The following TNFSF4 variants were observed in gnomAD, a reference collection of about 807,000 sequenced individuals.
TNFSF4 encodes TNF superfamily member 4, also known as tumor necrosis factor ligand superfamily member 4.
In TNFSF4, 4 loss-of-function variants were observed where a neutral mutation model predicts 7.3. The ratio of observed to expected loss-of-function variants is 0.55; its 90% CI spans 0.27 to 1.25. TNFSF4 has a LOEUF of 1.25. Ranked by LOEUF, TNFSF4 falls within the 50% of genes most tolerant of loss-of-function variation. The pLI is 0.12. For synonymous variants in TNFSF4, 76 were observed against 83.7 expected (o/e 0.91, Z 0.50); for missense variants, 181 against 208.8 (o/e 0.87, Z 0.82).
the TNFSF4 span, among the ~76,000 whole-genome samples, chr1:173,368,126 T>C: frequency 1.6e-4 from 24 of 152,118 alleles, no homozygotes; most frequent in East Asian, 4.4e-3. Context: ...AAAAAGTCAC[T>C]CTAATAGGAC....
At chr1:173,246,982 T>G in the TNFSF4 span, among the ~76,000 whole-genome samples, 1 of 152,238 alleles carries the variant, frequency 6.6e-6, no homozygotes, top group African/African-American at 2.4e-5. Context: ...TTTTTTCCTA[T>G]TTCTATAGTG....
chr1:173,364,707 G>A, the TNFSF4 span, among the ~76,000 whole-genome samples: 105,557 of 151,766 alleles, frequency 0.7, 36,902 homozygotes, highest in African/African-American at 0.77. Context: ...AACAGTGTTC[G>A]GTACTCTTTG....
the TNFSF4 span, chr1:173,363,584 T>C: frequency 2.0e-6 from 1 of 498,088 alleles, no homozygotes. Context: ...AGTGTAGGCT[T>C]ATTTGGGGAG....
the TNFSF4 span, among the ~76,000 whole-genome samples, chr1:173,275,554 T>A: frequency 6.6e-6 from 1 of 152,186 alleles, no homozygotes; most frequent in East Asian, 1.9e-4. Flanking sequence ...CTGTTGGCCA[T>A]TCAAAATAAT....
At chr1:173,281,305 C>A in the TNFSF4 span, among the ~76,000 whole-genome samples, 1 of 152,112 alleles carries the variant, frequency 6.6e-6, no homozygotes, top group African/African-American at 2.4e-5. Context: ...TATATGCACT[C>A]TGAATGGAAA....
chr1:173,203,996 C>G (rs2102000604), intron 1 of TNFSF4, among the ~76,000 whole-genome samples: 1 of 152,278 alleles, frequency 6.6e-6, no homozygotes, highest in Middle Eastern at 3.4e-3. Context: ...CATGAATATT[C>G]TTACAGGGCA....
the TNFSF4 span, among the ~76,000 whole-genome samples, chr1:173,357,271 A>G: frequency 6.6e-6 from 1 of 152,312 alleles, no homozygotes; most frequent in East Asian, 1.9e-4. Context: ...GTATTATCTC[A>G]TGCCATCTGG....
the TNFSF4 span, among the ~76,000 whole-genome samples, chr1:173,405,513 G>A: frequency 1.3e-5 from 2 of 152,276 alleles, no homozygotes; most frequent in South Asian, 4.1e-4. Context: ...AAACCACTGT[G>A]CCAAGATATT....
chr1:173,238,471 C>A, the TNFSF4 span, among the ~76,000 whole-genome samples: 49 of 152,142 alleles, frequency 3.2e-4, no homozygotes, highest in South Asian at 1.0e-2. Flanking sequence ...AAACAGGCAA[C>A]CTACAGAATG....
the TNFSF4 span, among the ~76,000 whole-genome samples, chr1:173,283,298 C>T: frequency 8.5e-5 from 13 of 152,182 alleles, no homozygotes; most frequent in South Asian, 4.1e-4. Context: ...CTTTCCCCCC[C>T]CAAAAAAGAG....
the TNFSF4 span, among the ~76,000 whole-genome samples, chr1:173,361,593 C>T: frequency 2.0e-5 from 3 of 151,682 alleles, no homozygotes; most frequent in African/African-American, 7.3e-5. Flanking sequence ...AGCAAGACTC[C>T]ATCTCCAAAA....
chr1:173,411,791 AC>A, the TNFSF4 span, among the ~76,000 whole-genome samples: 1 of 150,714 alleles, frequency 6.6e-6, no homozygotes, highest in Non-Finnish European at 1.5e-5. Flanking sequence ...AAAGAGTGAG[AC>A]TCTCTCAAAA....
chr1:173,229,470 G>C, the TNFSF4 span, among the ~76,000 whole-genome samples: 1 of 152,218 alleles, frequency 6.6e-6, no homozygotes, highest in Non-Finnish European at 1.5e-5. Context: ...ACCAGACACT[G>C]CAAAAACATG....
chr1:173,313,994 T>C, the TNFSF4 span, among the ~76,000 whole-genome samples: 15 of 152,118 alleles, frequency 9.9e-5, no homozygotes, highest in Non-Finnish European at 1.8e-4. Context: ...TGTATAATCA[T>C]ATATTTTGCT....
the TNFSF4 span, among the ~76,000 whole-genome samples, chr1:173,294,233 G>T: frequency 6.6e-6 from 1 of 152,050 alleles, no homozygotes; most frequent in African/African-American, 2.4e-5. Context: ...ACTAGATAAA[G>T]AAAATGTGGT....
intron 1 of TNFSF4, among the ~76,000 whole-genome samples, chr1:173,189,904 A>C (rs1649401808): frequency 2.0e-5 from 3 of 152,044 alleles, no homozygotes; most frequent in Admixed American, 2.0e-4. Flanking sequence ...TTATCTACTA[A>C]AAAAGAAAGT....
chr1:173,301,928 C>T, the TNFSF4 span, among the ~76,000 whole-genome samples: 6 of 150,296 alleles, frequency 4.0e-5, no homozygotes, highest in African/African-American at 1.2e-4. Flanking sequence ...AGCAAAATAC[C>T]ATACAAAAAC....
chr1:173,307,305 G>T, the TNFSF4 span, among the ~76,000 whole-genome samples: 1 of 151,754 alleles, frequency 6.6e-6, no homozygotes, highest in Non-Finnish European at 1.5e-5. Context: ...TACTATACTA[G>T]CCAAGAATGC....
At chr1:173,233,611 A>G in the TNFSF4 span, among the ~76,000 whole-genome samples, 4 of 152,198 alleles carry the variant, frequency 2.6e-5, no homozygotes, top group Non-Finnish European at 5.9e-5. Flanking sequence ...CAGGCAAATG[A>G]TGCATTCAAT....
Sources: gnomAD v4.1 joint callset for allele counts (sites outside exome capture counted in the v4.1 genomes callset) on GRCh38, gnomAD v4.1.1 for gene constraint, MANE v1.5 for transcripts, NCBI Gene and HGNC (gene_info 2026-07-23, HGNC 2026-07-21) for gene names.